GHSR: variants seen among roughly 807,000 people sequenced by gnomAD.
The protein encoded by GHSR is growth hormone secretagogue receptor.
In GHSR, 17 loss-of-function variants were observed where a neutral mutation model predicts 24.0. The observed-to-expected ratio is 0.71, with a 90% confidence interval of 0.49 to 1.06. GHSR has a LOEUF of 1.06. GHSR is among the 50% of genes least tolerant of loss of function. The pLI, the probability that GHSR is intolerant of heterozygous loss-of-function variation, is 0.00. For synonymous variants in GHSR, 238 were observed against 208.1 expected (o/e 1.14, Z -1.24); for missense variants, 504 against 483.1 (o/e 1.04, Z -0.41).
At chr3:172,445,829 A>T (rs1390089394) in intron 1 of GHSR, among the ~76,000 whole-genome samples, 1 of 152,236 alleles carries the variant, frequency 6.6e-6, no homozygotes, top group Non-Finnish European at 1.5e-5. Flanking sequence ...ATAGCTGTGT[A>T]TCCGAGTCTC....
In GHSR at chr3:172,448,048, G is replaced by A; in HGVS notation, c.366C>T (p.Val122=). 1 of 1,614,198 alleles carries A rather than the reference G, an allele frequency of 6.2e-7. No homozygotes were observed. The highest frequency in any genetic ancestry group is 1.7e-5 in the Admixed American group (1 of 60,028). Residue 122 remains valine, a synonymous_variant, in exon 1 of 2, where the codon GTC becomes GTT. Transcript: ENST00000241256. This position sits in a 1 kb window ranked among gnomAD's most constrained non-coding sequence, Gnocchi z 4.8. Reference sequence around the variant, plus strand: ...CCGTGGCGTAGGTGCAGCTCTCACTGACGAATTGGAAGAGTTTGCAGAGGA... The same window carrying A: ...CCGTGGCGTAGGTGCAGCTCTCACTAACGAATTGGAAGAGTTTGCAGAGGA... ...GDLLCKLFQF[V]SESCTYATVL...
Position 172,447,666 on chromosome 3 carries a change from C to T in GHSR, c.748G>A (p.Gly250Ser). 1.2e-6 allele frequency: 2 copies of T among 1,614,070 alleles called. No individual in the cohort carries two copies. The highest frequency in any genetic ancestry group is 8.5e-7 in the Non-Finnish European group (1 of 1,180,024). The stretch of plus-strand genomic sequence containing the variant: ...TGGTTCTGGTCCCTGAGCGAGGCAC[C>T]CACGACAGCATCGCCGCGCCTCCTC... Reference protein sequence around the residue: ...WRRRRGDAVVGASLRDQNHKQ... With the variant: ...WRRRRGDAVVSASLRDQNHKQ... Residue 250 changes from glycine (G) to serine (S), a missense_variant, in exon 1 of 2, where the codon GGT (glycine) becomes AGT (serine). Transcript: ENST00000241256.
rs137953416 is a variant in GHSR at position 172,448,327 on chromosome 3, C to A, written c.87G>T (p.Ser29=). 160 of 1,606,970 alleles carry A rather than the reference C, an allele frequency of 1.0e-4. No individual in the cohort carries two copies. The African/African-American group carries it at 2.0e-3, about 20-fold the overall frequency. The change falls in exon 1 of 2, where the codon TCG becomes TCT. Residue 29 remains serine, a synonymous_variant. Coordinates refer to ENST00000241256, the MANE Select transcript of GHSR (RefSeq NM_198407.2). The surrounding 1 kb of genome is among the most constrained non-coding windows in gnomAD (Gnocchi z 4.8). ...AGAGCTGCAGCAGCTCGTCGCCCAGCGAGTCGTTGCCGGGGGAAGCATCCC... is the reference window on the plus strand; with the variant it reads ...AGAGCTGCAGCAGCTCGTCGCCCAGAGAGTCGTTGCCGGGGGAAGCATCCC... The part of the protein sequence containing the change: ...LDWDASPGND[S]LGDELLQLFP...
chr3:172,448,296 C>A lies in GHSR; in HGVS notation c.118G>T (p.Ala40Ser). Residue 40 changes from alanine to serine, a missense_variant, in exon 1 of 2, where the codon GCG becomes TCG. By Grantham distance (99) the Ala-to-Ser change is moderately conservative (BLOSUM62 1). Transcript: ENST00000241256. This position sits in a 1 kb window ranked among gnomAD's most constrained non-coding sequence, Gnocchi z 4.8. The stretch of plus-strand genomic sequence containing the variant: ...GCTGTGACGCCCGCCAGCAGCGGCG[C>A]GGGGAAGAGCTGCAGCAGCTCGTCG... ...LGDELLQLFPAPLLAGVTATC... is the reference protein window; with the variant it reads ...LGDELLQLFPSPLLAGVTATC... 6.2e-7 allele frequency: 1 copy of A among 1,612,024 alleles called. No homozygotes were observed. Among genetic ancestry groups the A allele is most frequent in the Non-Finnish European group, 8.5e-7 (1 of 1,179,846 alleles).
chr3:172,447,961 G>T lies in GHSR; in HGVS notation c.453C>A (p.Ala151=), dbSNP rs1413672022. 6.2e-7 allele frequency: 1 copy of T among 1,614,028 alleles called. No homozygotes were observed. Among genetic ancestry groups the T allele is most frequent in the Non-Finnish European group, 8.5e-7 (1 of 1,179,878 alleles). Residue 151 remains alanine (A), a synonymous_variant, in exon 1 of 2, where the codon GCC becomes GCA. Coordinates refer to ENST00000241256, the MANE Select transcript of GHSR (RefSeq NM_198407.2). The part of the protein sequence containing the change: ...RYFAICFPLR[A]KVVVTKGRVK... The stretch of plus-strand genomic sequence containing the variant: ...CCCGCCCCTTGGTGACCACCACCTT[G>T]GCCCGGAGTGGGAAGCAGATGGCGA...
At position 172,448,143 on chromosome 3, in the gene GHSR, G is replaced by A. The variant is rs79053943; in HGVS notation, c.271C>T (p.Leu91Phe). ...TCCAGGGGCATGCAGAGGAAGATGA[G>A]CAGATCGGAGAAGGCCATGCTGGAC... Reference protein sequence around the residue: ...YLSSMAFSDLLIFLCMPLDLV... With the variant: ...YLSSMAFSDLFIFLCMPLDLV... Residue 91 changes from leucine (L) to phenylalanine (F), a missense_variant, in exon 1 of 2, where the codon CTC becomes TTC. Physicochemically the swap from Leu to Phe is conservative, Grantham distance 22. Transcript: ENST00000241256. This position sits in a 1 kb window ranked among gnomAD's most constrained non-coding sequence, Gnocchi z 4.8. 1,098 of 1,614,224 alleles carry A rather than the reference G, an allele frequency of 6.8e-4. 8 individuals carry two copies. The African/African-American group carries it at 0.012, about 18-fold the overall frequency.
intron 1 of GHSR, among the ~76,000 whole-genome samples, chr3:172,446,813 CCA>C (rs1737472647): frequency 6.6e-6 from 1 of 152,212 alleles, no homozygotes; most frequent in South Asian, 2.1e-4. Flanking sequence ...CTGTTGGTTT[CCA>C]CAAAGTCTCC....
chr3:172,444,110 G>C lies in GHSR; in HGVS notation c.*1051C>G, dbSNP rs1737401538. Among the ~76,000 whole-genome samples the C allele has an allele frequency of 6.6e-6, 1 of 151,984 alleles. No homozygotes were observed. Among genetic ancestry groups the C allele is most frequent in the Non-Finnish European group, 1.5e-5 (1 of 67,968 alleles). On this transcript the variant is annotated 3_prime_UTR_variant, in exon 2 of 2. Coordinates refer to ENST00000241256, the MANE Select transcript of GHSR (RefSeq NM_198407.2). Reference sequence around the variant, plus strand: ...TGATTACCCATAATTGTTTTAAAAAGTTTCATTTCCTGAATATTAACACAT... The same window carrying C: ...TGATTACCCATAATTGTTTTAAAAACTTTCATTTCCTGAATATTAACACAT...
chr3:172,447,751 G>A lies in GHSR; in HGVS notation c.663C>T (p.Phe221=), dbSNP rs1277951117. The part of the protein sequence containing the change: ...TVMVWVSSIF[F]FLPVFCLTVL... ...CCGTGAGACAGAAGACAGGAAGGAA[G>A]AAGAAGATGCTGGACACCCACACCA... is the stretch of plus-strand genomic sequence containing the variant. Residue 221 remains phenylalanine (F), a synonymous_variant, in exon 1 of 2, where the codon TTC becomes TTT. Transcript: ENST00000241256. The A allele has an allele frequency of 1.9e-6, 3 of 1,614,168 alleles. No homozygotes were observed. Among genetic ancestry groups the A allele is most frequent in the Non-Finnish European group, 2.5e-6 (3 of 1,180,046 alleles).
In GHSR at chr3:172,447,881, A is replaced by T; in HGVS notation, c.533T>A (p.Ile178Asn). Residue 178 changes from isoleucine (I) to asparagine (N), a missense_variant, in exon 1 of 2, where the codon ATC becomes AAC. Physicochemically the swap from Ile to Asn is moderately radical, Grantham distance 149. Transcript: ENST00000241256. The stretch of plus-strand genomic sequence containing the variant: ...GTGCTCCACCCCGACTAGCACGAAG[A>T]TGGGCCCGGCGCTGCAGAAGGCCAC... ...WAVAFCSAGPIFVLVGVEHEN... is the reference protein window; with the variant it reads ...WAVAFCSAGPNFVLVGVEHEN... The T allele has an allele frequency of 6.2e-7, 1 of 1,613,482 alleles. No individual in the cohort carries two copies. The highest frequency in any genetic ancestry group is 2.2e-5 in the East Asian group (1 of 44,864).
In GHSR at chr3:172,445,367, G is replaced by C; in HGVS notation, c.895C>G (p.Gln299Glu). Residue 299 changes from glutamine to glutamate, a missense_variant, in exon 2 of 2, where the codon CAG becomes GAG. By Grantham distance (29) the Gln-to-Glu change is conservative. Transcript: ENST00000241256. ...ACGAGGTTGCAGTACTGGCTGATCT[G>C]AGCAATCTCCAAGGAGCCAGGCTCA... ...SFEPGSLEIA[Q>E]ISQYCNLVSF... 4 of 1,614,182 alleles carry C rather than the reference G, an allele frequency of 2.5e-6. No homozygotes were observed. Among genetic ancestry groups the C allele is most frequent in the Non-Finnish European group, 3.4e-6 (4 of 1,180,034 alleles).
chr3:172,445,866 A>T (rs1418353054), intron 1 of GHSR, among the ~76,000 whole-genome samples: 2 of 152,110 alleles, frequency 1.3e-5, no homozygotes, highest in East Asian at 3.8e-4. Context: ...AACAATGCAG[A>T]TTCCTTGGAT....
intron 1 of GHSR, among the ~76,000 whole-genome samples, chr3:172,446,957 G>A (rs1486501173): frequency 6.6e-6 from 1 of 152,152 alleles, no homozygotes; most frequent in Non-Finnish European, 1.5e-5. Context: ...TTACAAAGCT[G>A]TATGAACAGC....
chr3:172,445,927 T>C (rs950011183), intron 1 of GHSR, among the ~76,000 whole-genome samples: 2 of 151,254 alleles, frequency 1.3e-5, no homozygotes, highest in African/African-American at 4.9e-5. Flanking sequence ...TCAGGACATA[T>C]GTTTTATCTT....
chr3:172,447,224 A>G (rs1294883978), intron 1 of GHSR, among the ~76,000 whole-genome samples: 1 of 152,220 alleles, frequency 6.6e-6, no homozygotes, highest in Admixed American at 6.5e-5. Flanking sequence ...CTTTTATAAG[A>G]TATCTCGATT....
chr3:172,448,000 G>C lies in GHSR; in HGVS notation c.414C>G (p.Ser138Arg). Residue 138 changes from serine to arginine, a missense_variant, in exon 1 of 2, where the codon AGC becomes AGG. By Grantham distance (110) the Ser-to-Arg change is moderately radical (BLOSUM62 -1). Transcript: ENST00000241256. ...YATVLTITAL[S>R]VERYFAICFP... ...AGCAGATGGCGAAGTAGCGCTCGAC[G>C]CTCAGCGCTGTGATGGTGAGCACCG... 6.2e-7 allele frequency: 1 copy of C among 1,614,222 alleles called. No individual in the cohort carries two copies. Among genetic ancestry groups the C allele is most frequent in the Non-Finnish European group, 8.5e-7 (1 of 1,180,036 alleles).
intron 1 of GHSR, 41 bp downstream of exon 1, chr3:172,447,577 A>AGGAC: frequency 6.2e-7 from 1 of 1,611,448 alleles, no homozygotes; most frequent in Non-Finnish European, 8.5e-7. Context: ...GGGAGAGGAT[A>AGGAC]GGACCCGCGA....
chr3:172,448,434 G>A lies in GHSR; in HGVS notation c.-21C>T. 1 of 1,579,314 alleles carries A rather than the reference G, an allele frequency of 6.3e-7. No homozygotes were observed. The highest frequency in any genetic ancestry group is 2.3e-5 in the East Asian group (1 of 43,396). On this transcript the variant is annotated 5_prime_UTR_variant, in exon 1 of 2. Transcript: ENST00000241256. The surrounding 1 kb of genome is among the most constrained non-coding windows in gnomAD (Gnocchi z 4.8). ...CACATGCTGCCGGCTCAGCTGAACAGGCTCTGGGACGTGACTGCGCTGGGA... is the reference window on the plus strand; with the variant it reads ...CACATGCTGCCGGCTCAGCTGAACAAGCTCTGGGACGTGACTGCGCTGGGA...
rs201709129 is a variant in GHSR at position 172,447,773 on chromosome 3, A to C, written c.641T>G (p.Val214Gly). 13 of 1,613,998 alleles carry C rather than the reference A, an allele frequency of 8.1e-6. No individual in the cohort carries two copies. Among genetic ancestry groups the C allele is most frequent in the Non-Finnish European group, 1.1e-5 (13 of 1,180,002 alleles). ...AVRSGLLTVMVWVSSIFFFLP... is the reference protein window; with the variant it reads ...AVRSGLLTVMGWVSSIFFFLP... ...GAAGAAGAAGATGCTGGACACCCAC[A>C]CCATGACCGTGAGCAGTCCAGAGCG... Residue 214 changes from valine (V) to glycine (G), a missense_variant, in exon 1 of 2, where the codon GTG (valine) becomes GGG (glycine). By Grantham distance (109) the Val-to-Gly change is moderately radical. Transcript: ENST00000241256.
Sources: gnomAD v4.1 joint callset for allele counts (sites outside exome capture counted in the v4.1 genomes callset) on GRCh38, gnomAD v4.1.1 for gene constraint, Gnocchi (gnomAD v3.1) non-coding constraint, MANE v1.5 for transcripts, NCBI Gene and HGNC (gene_info 2026-07-23, HGNC 2026-07-21) for gene names.